The following PAPSS1 variants were observed in gnomAD, a reference collection of about 807,000 sequenced individuals.
PAPSS1 encodes bifunctional 3'-phosphoadenosine 5'-phosphosulfate synthase 1.
In PAPSS1, 50 loss-of-function variants were observed where a neutral mutation model predicts 72.0. The ratio of observed to expected loss-of-function variants is 0.69; its 90% CI spans 0.55 to 0.88. The LOEUF is 0.88. Ranked by LOEUF, PAPSS1 falls within the 40% of genes least tolerant of loss-of-function variation. The pLI, the probability that PAPSS1 is intolerant of heterozygous loss-of-function variation, is 0.00. For synonymous variants in PAPSS1, 261 were observed against 263.6 expected (o/e 0.99, Z 0.09); for missense variants, 657 against 782.2 (o/e 0.84, Z 1.91).
chr4:107,634,738 GA>G (rs749917939), intron 10 of PAPSS1, among the ~76,000 whole-genome samples: 1 of 149,278 alleles, frequency 6.7e-6, no homozygotes, highest in Non-Finnish European at 1.5e-5. Context: ...AAAATTAAAA[GA>G]TGTCTAAATT....
chr4:107,702,008 G>A (rs114151828), intron 1 of PAPSS1, among the ~76,000 whole-genome samples: 1 of 149,824 alleles, frequency 6.7e-6, no homozygotes, highest in African/African-American at 2.4e-5. Context: ...AAATTACTTA[G>A]GCCTCAAAGT....
At chr4:107,656,077 C>T (rs934217246) in intron 7 of PAPSS1, among the ~76,000 whole-genome samples, 3 of 152,128 alleles carry the variant, frequency 2.0e-5, no homozygotes, top group African/African-American at 4.8e-5. Flanking sequence ...AAGGCTGCTG[C>T]ATTATAATGA....
At chr4:107,673,653 T>A (rs991730607) in intron 5 of PAPSS1, among the ~76,000 whole-genome samples, 1 of 151,836 alleles carries the variant, frequency 6.6e-6, no homozygotes. Flanking sequence ...ACTTCCCCAA[T>A]CTAGCAAGGC....
rs1237084360 is a variant in PAPSS1 at position 107,631,854 on chromosome 4, A to G, written c.1513T>C (p.Trp505Arg). 1 of 1,610,036 alleles carries G rather than the reference A, an allele frequency of 6.2e-7. No individual in the cohort carries two copies. Among genetic ancestry groups the G allele is most frequent in the Non-Finnish European group, 8.5e-7 (1 of 1,177,434 alleles). The change falls in exon 11 of 12, where the codon TGG (tryptophan) becomes CGG (arginine). Residue 505 changes from tryptophan (W) to arginine (R), a missense_variant. Coordinates refer to ENST00000265174, the MANE Select transcript of PAPSS1 (RefSeq NM_005443.5). ...GCAACCATCCGTGCTCTGCAATGCCACTGGACCTAGAATAAAAGTTTCATT... is the reference window on the plus strand; with the variant it reads ...GCAACCATCCGTGCTCTGCAATGCCGCTGGACCTAGAATAAAAGTTTCATT... The part of the protein sequence containing the change: ...MMYAGPTEVQ[W>R]HCRARMVAGA...
chr4:107,653,712 T>C (rs764003991), intron 8 of PAPSS1, 86 bp from the exon 9 acceptor site: 8 of 1,048,454 alleles, frequency 7.6e-6, no homozygotes, highest in Admixed American at 2.5e-5. Context: ...ATACAGTCGT[T>C]GTAAGCTACT....
intron 11 of PAPSS1, among the ~76,000 whole-genome samples, chr4:107,621,662 C>CCAG (rs1725962712): frequency 8.2e-6 from 1 of 122,424 alleles, no homozygotes; most frequent in African/African-American, 3.2e-5. Context: ...GCTCTGTCAC[C>CCAG]CAGGCTGGAG....
intron 7 of PAPSS1, 57 bp from the exon 8 acceptor site, chr4:107,654,957 T>C (rs1282797769): frequency 6.2e-6 from 8 of 1,296,376 alleles, no homozygotes; most frequent in South Asian, 1.3e-5. Flanking sequence ...CACGCTTTAC[T>C]TAACACCCAC....
chr4:107,634,869 C>T (rs1647916980), intron 10 of PAPSS1, among the ~76,000 whole-genome samples: 1 of 141,670 alleles, frequency 7.1e-6, no homozygotes, highest in Non-Finnish European at 1.5e-5. Context: ...ACGATCTCGG[C>T]TCAGTGCAAG....
chr4:107,706,851 A>G (rs1222107548), intron 1 of PAPSS1, among the ~76,000 whole-genome samples: 2 of 152,130 alleles, frequency 1.3e-5, no homozygotes, highest in African/African-American at 4.8e-5. Flanking sequence ...GTCCTCAGGG[A>G]GGCTGGCCTG....
intron 10 of PAPSS1, among the ~76,000 whole-genome samples, chr4:107,633,914 G>A (rs867862938): frequency 1.8e-4 from 19 of 102,870 alleles, no homozygotes; most frequent in South Asian, 3.2e-4. Flanking sequence ...ACGAGACTCC[G>A]TCTCAAAAAA....
intron 10 of PAPSS1, among the ~76,000 whole-genome samples, chr4:107,640,257 C>T (rs905984197): frequency 1.3e-5 from 2 of 152,146 alleles, no homozygotes; most frequent in African/African-American, 4.8e-5. Context: ...AAAGTTAACA[C>T]TCCCTTCACA....
intron 11 of PAPSS1, among the ~76,000 whole-genome samples, chr4:107,618,988 C>T (rs530268704): frequency 6.6e-6 from 1 of 152,140 alleles, no homozygotes; most frequent in Non-Finnish European, 1.5e-5. Context: ...CACTTATTGG[C>T]TCCCTAAATA....
At chr4:107,706,292 T>C (rs1723339158) in intron 1 of PAPSS1, among the ~76,000 whole-genome samples, 1 of 152,224 alleles carries the variant, frequency 6.6e-6, no homozygotes, top group African/African-American at 2.4e-5. Context: ...GATGCTGTCC[T>C]ATAAATCCTG....
At chr4:107,685,725 A>T in intron 4 of PAPSS1, among the ~76,000 whole-genome samples, 1 of 152,220 alleles carries the variant, frequency 6.6e-6, no homozygotes, top group East Asian at 1.9e-4. Flanking sequence ...ACTACAGCAG[A>T]TGGAACCTGA....
chr4:107,683,123 C>T (rs763266081), intron 4 of PAPSS1, among the ~76,000 whole-genome samples: 2 of 151,976 alleles, frequency 1.3e-5, no homozygotes, highest in Non-Finnish European at 2.9e-5. Flanking sequence ...TTGTCTATCT[C>T]GGAAAGCTTA....
chr4:107,645,158 C>A (rs140573524), intron 9 of PAPSS1, 88 bp from the exon 10 acceptor site: 58 of 990,448 alleles, frequency 5.9e-5, no homozygotes, highest in Non-Finnish European at 7.3e-5. Context: ...AAACTTGATA[C>A]TTAGGATTAA....
At chr4:107,621,608 C>CTGTTTTTTTTTTTTTTTTT (rs1725956094) in intron 11 of PAPSS1, among the ~76,000 whole-genome samples, 1 of 48,148 alleles carries the variant, frequency 2.1e-5, no homozygotes, top group Admixed American at 2.9e-4. Flanking sequence ...GGTTTTTTAT[C>CTGTTTTTTTTTTTTTTTTT]TTTTTTTTTT....
intron 11 of PAPSS1, among the ~76,000 whole-genome samples, chr4:107,615,837 T>G (rs1175943855): frequency 1.3e-5 from 2 of 152,134 alleles, no homozygotes; most frequent in African/African-American, 4.8e-5. Context: ...AATCCCCTTA[T>G]AAGAAAAGAA....
chr4:107,718,769 A>G (rs1394390454), intron 1 of PAPSS1, among the ~76,000 whole-genome samples: 1 of 152,268 alleles, frequency 6.6e-6, no homozygotes, highest in Non-Finnish European at 1.5e-5. Context: ...TACCCCAAGT[A>G]AGCCAACCTT....
Sources: allele counts gnomAD v4.1 joint callset (sites outside exome capture counted in the v4.1 genomes callset), GRCh38; gene constraint gnomAD v4.1.1; transcripts MANE v1.5; gene names NCBI Gene and HGNC (gene_info 2026-07-23, HGNC 2026-07-21).